TSPAN33: variants seen among roughly 807,000 people sequenced by gnomAD.
TSPAN33 encodes the protein tetraspanin 33.
A neutral mutation model predicts 34.8 loss-of-function variants in TSPAN33; 27 were observed. That is an observed-to-expected ratio of 0.78 (90% CI 0.57 to 1.07). The LOEUF (loss-of-function observed/expected upper bound fraction) is 1.07. Ranked by LOEUF, TSPAN33 falls within the 50% of genes least tolerant of loss-of-function variation. The pLI, the probability that TSPAN33 is intolerant of heterozygous loss-of-function variation, is 0.00. For synonymous variants in TSPAN33, 119 were observed against 124.2 expected (o/e 0.96, Z 0.28); for missense variants, 272 against 324.9 (o/e 0.84, Z 1.25).
chr7:129,155,851 A>C (rs981903729), intron 1 of TSPAN33, among the ~76,000 whole-genome samples: 1 of 151,982 alleles, frequency 6.6e-6, no homozygotes, highest in African/African-American at 2.4e-5. Flanking sequence ...TAGCCTCCCA[A>C]GTAGCTGGGA....
rs35432172 is a variant in TSPAN33 at position 129,153,059 on chromosome 7, CAAAAAAAAAAAA to C, written c.102+7989_102+8000del. Among the ~76,000 whole-genome samples, 146 of 82,466 alleles carry C rather than the reference CAAAAAAAAAAAA, an allele frequency of 1.8e-3. 1 individual carries two copies. The South Asian group carries it at 0.032, about 18-fold the overall frequency. 54.1% of individuals were successfully genotyped at this position (82,466 alleles called of 152,430 possible). ...GGGCAACAAGAGTGAAACTCCGTCT[CAAAAAAAAAAAA>C]AAAAAAAAAAAGAAAAAGAAAAAGA... On this transcript the variant is annotated intron_variant, in intron 1 of 7. Coordinates refer to ENST00000486685, the MANE Select transcript of TSPAN33 (RefSeq NM_178562.5).
In TSPAN33 at chr7:129,167,252, C is replaced by A; in HGVS notation, c.589-147C>A. On this transcript the variant is annotated intron_variant, in intron 6 of 7. Transcript: ENST00000486685. This position sits in a 1 kb window ranked among gnomAD's most constrained non-coding sequence, Gnocchi z 4.6. The stretch of plus-strand genomic sequence containing the variant: ...GACCTCTCAGAGGAAGGGAAGTCTG[C>A]ATTTGGCAACTTCCAACCCAATATC... 1.0e-6 allele frequency: 1 copy of A among 1,004,460 alleles called. No homozygotes were observed. The highest frequency in any genetic ancestry group is 1.5e-6 in the Non-Finnish European group (1 of 686,544). 62.2% of individuals were successfully genotyped at this position (1,004,460 alleles called of 1,614,324 possible).
At chr7:129,147,729 T>C (rs1364058294) in intron 1 of TSPAN33, among the ~76,000 whole-genome samples, 1 of 152,220 alleles carries the variant, frequency 6.6e-6, no homozygotes, top group Non-Finnish European at 1.5e-5. Flanking sequence ...TTATTGTGTC[T>C]GTGCCTGGAA....
At chr7:129,147,707 G>A (rs3993434) in intron 1 of TSPAN33, among the ~76,000 whole-genome samples, 92,139 of 152,034 alleles carry the variant, frequency 0.61, 28,734 homozygotes, top group Non-Finnish European at 0.68. Flanking sequence ...TGGAGCTGCC[G>A]CATGGCAGTG....
Position 129,148,162 on chromosome 7 carries a change from G to A in TSPAN33, c.102+3080G>A, listed in dbSNP as rs1370757818. Among the ~76,000 whole-genome samples the A allele has an allele frequency of 6.6e-6, 1 of 152,130 alleles. No homozygotes were observed. The highest frequency in any genetic ancestry group is 2.4e-5 in the African/African-American group (1 of 41,398). ...TGTGTTGTCAGGAATATTCAGTGCC[G>A]CCCACCTCCTTCCTCGCTGGTCCTT... On this transcript the variant is annotated intron_variant, in intron 1 of 7. Coordinates refer to ENST00000486685, the MANE Select transcript of TSPAN33 (RefSeq NM_178562.5). The surrounding 1 kb of genome is among the most constrained non-coding windows in gnomAD (Gnocchi z 4.2).
intron 1 of TSPAN33, 49 bp from the exon 2 acceptor site, chr7:129,161,630 T>C: frequency 6.3e-7 from 1 of 1,591,152 alleles, no homozygotes; most frequent in East Asian, 2.2e-5. Flanking sequence ...CATTCAGGGC[T>C]CTCTGGTTTC....
At chr7:129,151,698 C>G (rs1272123251) in intron 1 of TSPAN33, among the ~76,000 whole-genome samples, 1 of 152,078 alleles carries the variant, frequency 6.6e-6, no homozygotes, top group African/African-American at 2.4e-5. Context: ...TTTCTCCTTT[C>G]TCCCATGAAC....
intron 1 of TSPAN33, among the ~76,000 whole-genome samples, chr7:129,159,263 G>T: frequency 6.6e-6 from 1 of 152,190 alleles, no homozygotes; most frequent in East Asian, 1.9e-4. Context: ...GTTTCACCAT[G>T]TTGGCCAGGC....
chr7:129,166,192 G>A (rs781070907), intron 5 of TSPAN33, among the ~76,000 whole-genome samples: 6 of 151,968 alleles, frequency 3.9e-5, no homozygotes, highest in Non-Finnish European at 7.4e-5. Flanking sequence ...TGCCCTCCTC[G>A]GCCTCCCAAA....
chr7:129,161,544 A>C, intron 1 of TSPAN33, 135 bp from the exon 2 acceptor site: 1 of 752,198 alleles, frequency 1.3e-6, no homozygotes, highest in Non-Finnish European at 2.3e-6. Flanking sequence ...CAGCAGAATC[A>C]CTGGGGAGGT....
intron 1 of TSPAN33, among the ~76,000 whole-genome samples, chr7:129,146,986 C>G (rs942667823): frequency 1.3e-5 from 2 of 151,738 alleles, no homozygotes; most frequent in Non-Finnish European, 2.9e-5. Flanking sequence ...CACCCTACCC[C>G]CCTTTTATCG....
Position 129,166,762 on chromosome 7 carries a change from G to T in TSPAN33, c.460-16G>T, listed in dbSNP as rs751726296. On this transcript the variant is annotated splice_polypyrimidine_tract_variant and intron_variant, in intron 5 of 7. Transcript: ENST00000486685. ...AGGGGTGGGTGATTCTTAACCTCTG[G>T]TGGGTTTTGTTGCAGTTTAGCTGCT... is the stretch of plus-strand genomic sequence containing the variant. 6.2e-7 allele frequency: 1 copy of T among 1,613,632 alleles called. No homozygotes were observed. The highest frequency in any genetic ancestry group is 2.2e-5 in the East Asian group (1 of 44,870).
rs567610715 is a variant in TSPAN33, at chr7:129,162,364, G to C, written c.161-30G>C. 1.9e-6 allele frequency: 3 copies of C among 1,607,650 alleles called. No individual in the cohort carries two copies. In the South Asian group the frequency reaches 3.3e-5, roughly 18 times the overall value. ...CCAGGGGTTCCTCAGTGGGCACCAG[G>C]CTCAGGCTGAGGGCCGGCTCCTTTT... On this transcript the variant is annotated intron_variant, in intron 2 of 7. Transcript: ENST00000486685.
At chr7:129,158,282 A>G (rs994788842) in intron 1 of TSPAN33, among the ~76,000 whole-genome samples, 4 of 152,234 alleles carry the variant, frequency 2.6e-5, no homozygotes, top group Admixed American at 6.5e-5. Flanking sequence ...TCCAGCAATT[A>G]AGACGTGGAC....
At chr7:129,164,923 CT>C in intron 5 of TSPAN33, 1 of 194,010 alleles carries the variant, frequency 5.2e-6, no homozygotes, top group Non-Finnish European at 1.1e-5. Context: ...TTGTTCTACT[CT>C]TTCCCCCCTT....
At chr7:129,145,687 G>T (rs1001447617) in intron 1 of TSPAN33, among the ~76,000 whole-genome samples, 1 of 151,832 alleles carries the variant, frequency 6.6e-6, no homozygotes, top group African/African-American at 2.4e-5. Context: ...CTGGAGCCTG[G>T]CAATCACCAG....
At chr7:129,145,429 C>G (rs1810506999) in intron 1 of TSPAN33, among the ~76,000 whole-genome samples, 4 of 151,888 alleles carry the variant, frequency 2.6e-5, no homozygotes, top group Admixed American at 2.6e-4. Flanking sequence ...GACTTTCAGG[C>G]CTGGGGGCCT....
rs1349726885 is a variant in TSPAN33, at chr7:129,167,746, T to C, written c.751-27T>C. On this transcript the variant is annotated intron_variant, in intron 7 of 7. Transcript: ENST00000486685. This position sits in a 1 kb window ranked among gnomAD's most constrained non-coding sequence, Gnocchi z 4.6. Reference sequence around the variant, plus strand: ...AACAAGGCCATCACTCACTGCTGAGTGCCCAATTCCTTCTTGCCTCTCCCA... The same window carrying C: ...AACAAGGCCATCACTCACTGCTGAGCGCCCAATTCCTTCTTGCCTCTCCCA... 6.2e-7 allele frequency: 1 copy of C among 1,611,098 alleles called. No homozygotes were observed. Among genetic ancestry groups the C allele is most frequent in the Non-Finnish European group, 8.5e-7 (1 of 1,177,480 alleles).
At position 129,144,974 on chromosome 7, in the gene TSPAN33, C is replaced by T; in HGVS notation, c.-7C>T. On this transcript the variant is annotated 5_prime_UTR_variant, in exon 1 of 8. Coordinates refer to ENST00000486685, the MANE Select transcript of TSPAN33 (RefSeq NM_178562.5). ...AGGCCCCCGGGGGCGGTGGCGGCGG[C>T]GGGGCCATGGCGCGGAGACCCCGGG... 3.2e-6 allele frequency: 2 copies of T among 615,748 alleles called. No homozygotes were observed. Among genetic ancestry groups the T allele is most frequent in the South Asian group, 3.5e-5 (2 of 57,124 alleles). 38.1% of individuals were successfully genotyped at this position (615,748 alleles called of 1,614,324 possible).
Sources: gnomAD v4.1 joint callset for allele counts (sites outside exome capture counted in the v4.1 genomes callset) on GRCh38, gnomAD v4.1.1 for gene constraint, Gnocchi (gnomAD v3.1) non-coding constraint, MANE v1.5 for transcripts, NCBI Gene and HGNC (gene_info 2026-07-23, HGNC 2026-07-21) for gene names.